Variants in ARHGAP26 observed in about 807,000 individuals in gnomAD.
The protein encoded by ARHGAP26 is Rho GTPase activating protein 26.
A neutral mutation model predicts 104.8 loss-of-function variants in ARHGAP26; 38 were observed. The ratio of observed to expected loss-of-function variants is 0.36; its 90% CI spans 0.28 to 0.48. The LOEUF is 0.48. Ranked by LOEUF, ARHGAP26 falls within the 20% of genes least tolerant of loss-of-function variation. The pLI is 0.99. For missense variants in ARHGAP26, 704 were observed against 947.9 expected, an observed-to-expected ratio of 0.74 and a Z score of 3.38; for synonymous variants, 341 against 340.0, an observed-to-expected ratio of 1.00 and a Z score of -0.03.
In ARHGAP26 at chr5:143,228,385, G is replaced by A. The variant is rs78962621; in HGVS notation, c.*5939G>A. On this transcript the variant is annotated 3_prime_UTR_variant, in exon 23 of 23. Coordinates refer to ENST00000645722, the MANE Select transcript of ARHGAP26 (RefSeq NM_001135608.3). ...GAATTAGAGACACAAGAGAGGCTGT[G>A]GATGGCCTATTAAAATGATTAAAGA... 6 of 221,948 alleles carry A rather than the reference G, an allele frequency of 2.7e-5. No individual in the cohort carries two copies. The highest frequency in any genetic ancestry group is 4.5e-5 in the Non-Finnish European group (5 of 111,136). The allele number at this position is 221,948 out of a possible 1,614,324, so 13.7% of individuals were successfully genotyped here.
At chr5:142,929,616 G>A (rs1263450538) in intron 10 of ARHGAP26, among the ~76,000 whole-genome samples, 2 of 152,176 alleles carry the variant, frequency 1.3e-5, no homozygotes, top group African/African-American at 2.4e-5. Flanking sequence ...AAAAGAACTT[G>A]TATTTTGATA....
At chr5:142,771,394 G>C in intron 1 of ARHGAP26, 2 of 1,231,992 alleles carry the variant, frequency 1.6e-6, no homozygotes, top group Non-Finnish European at 2.0e-6. Flanking sequence ...TGACTGCTTC[G>C]CTCCCTGTAC....
At chr5:142,998,570 G>A (rs1776744999) in intron 11 of ARHGAP26, among the ~76,000 whole-genome samples, 1 of 152,126 alleles carries the variant, frequency 6.6e-6, no homozygotes, top group South Asian at 2.1e-4. Flanking sequence ...AGCAAGAGAG[G>A]CTTGGCTAGG....
chr5:143,161,999 A>G (rs1443673880), intron 20 of ARHGAP26, among the ~76,000 whole-genome samples: 4 of 152,222 alleles, frequency 2.6e-5, no homozygotes, highest in Admixed American at 1.3e-4. Flanking sequence ...CAAGTCTGTC[A>G]TCATATCAGA....
chr5:143,158,269 A>G (rs1440954608), intron 20 of ARHGAP26, among the ~76,000 whole-genome samples: 1 of 152,208 alleles, frequency 6.6e-6, no homozygotes, highest in Admixed American at 6.5e-5. Context: ...TAATTTTAAA[A>G]AGGAATTAAA....
intron 20 of ARHGAP26, among the ~76,000 whole-genome samples, chr5:143,167,528 T>A (rs1802172590): frequency 7.0e-6 from 1 of 142,534 alleles, no homozygotes; most frequent in African/African-American, 2.7e-5. Flanking sequence ...AGAAATCCAT[T>A]GTTTGTAATA....
chr5:143,087,452 T>A (rs1790746746), intron 17 of ARHGAP26, among the ~76,000 whole-genome samples: 1 of 152,108 alleles, frequency 6.6e-6, no homozygotes, highest in Non-Finnish European at 1.5e-5. Context: ...CCCTTTTGTT[T>A]ACTCATGGCC....
At chr5:142,952,258 G>A (rs1768509974) in intron 11 of ARHGAP26, among the ~76,000 whole-genome samples, 1 of 152,168 alleles carries the variant, frequency 6.6e-6, no homozygotes, top group Admixed American at 6.5e-5. Context: ...TAGAGCAAGG[G>A]ACTTTTCTTT....
chr5:143,117,285 C>T (rs550588182), intron 17 of ARHGAP26, among the ~76,000 whole-genome samples: 7 of 152,294 alleles, frequency 4.6e-5, no homozygotes, highest in Non-Finnish European at 8.8e-5. Flanking sequence ...GGACCGGCTC[C>T]GCAGTGCTCT....
chr5:142,829,629 C>T (rs1767999609), intron 1 of ARHGAP26, among the ~76,000 whole-genome samples: 1 of 152,156 alleles, frequency 6.6e-6, no homozygotes, highest in Admixed American at 6.5e-5. Context: ...TGGATTAAAA[C>T]AAACCAAGAA....
At chr5:142,912,163 A>C (rs712161) in intron 9 of ARHGAP26, among the ~76,000 whole-genome samples, 45,431 of 152,110 alleles carry the variant, frequency 0.3, 7,672 homozygotes, top group East Asian at 0.74. Context: ...GTTTCTGGGC[A>C]ATAAACTAGT....
At position 143,213,123 on chromosome 5, in the gene ARHGAP26, C is replaced by T. The variant is rs561084435; in HGVS notation, c.2100-874C>T. Reference sequence around the variant, plus strand: ...TCGCACCACTGCACTCCAGCCTGGGCGACAGAGCAAGACTCCGTCTAAACA... The same window carrying T: ...TCGCACCACTGCACTCCAGCCTGGGTGACAGAGCAAGACTCCGTCTAAACA... On this transcript the variant is annotated intron_variant, in intron 21 of 22. Coordinates refer to ENST00000645722, the MANE Select transcript of ARHGAP26 (RefSeq NM_001135608.3). Among the ~76,000 whole-genome samples, 13 of 152,234 alleles carry T rather than the reference C, an allele frequency of 8.5e-5. No individual in the cohort carries two copies. In the South Asian group the frequency reaches 1.7e-3, roughly 19 times the overall value.
intron 11 of ARHGAP26, among the ~76,000 whole-genome samples, chr5:143,011,303 C>CTTTTTTTTTTTTTTTT (rs58841045): frequency 1.8e-5 from 2 of 110,988 alleles, no homozygotes; most frequent in African/African-American, 3.5e-5. Flanking sequence ...TAAACCCCCG[C>CTTTTTTTTTTTTTTTT]TTTTTTTTTT....
In ARHGAP26 at chr5:142,828,498, A is replaced by G. The variant is rs78252289; in HGVS notation, c.155-44902A>G. On this transcript the variant is annotated intron_variant, in intron 1 of 22. Transcript: ENST00000645722. ...GGAAAATGAAATTTAAAAGAAAAAC[A>G]TGGAGAAGGAAATTAACAAGCATAC... Among the ~76,000 whole-genome samples the G allele has an allele frequency of 5.6e-3, 857 of 152,358 alleles. 18 individuals are homozygous for G. In the East Asian group the frequency reaches 0.064, roughly 11 times the overall value.
At chr5:143,172,439 A>G (rs1394003859) in intron 20 of ARHGAP26, among the ~76,000 whole-genome samples, 2 of 152,190 alleles carry the variant, frequency 1.3e-5, no homozygotes, top group Non-Finnish European at 2.9e-5. Flanking sequence ...GAAAAAATAT[A>G]ATGGGATGTA....
intron 20 of ARHGAP26, among the ~76,000 whole-genome samples, chr5:143,194,775 A>C (rs1806525870): frequency 6.6e-6 from 1 of 152,182 alleles, no homozygotes; most frequent in African/African-American, 2.4e-5. Flanking sequence ...AATCATTTAA[A>C]GTTTTTTCCA....
At chr5:143,166,776 A>G (rs534599865) in intron 20 of ARHGAP26, among the ~76,000 whole-genome samples, 171 of 152,354 alleles carry the variant, frequency 1.1e-3, no homozygotes, top group African/African-American at 3.9e-3. Context: ...ACCTTTCAGC[A>G]GGAACTGAAG....
In ARHGAP26 at chr5:143,223,564, AC is replaced by A. The variant is rs1219416146; in HGVS notation, c.*1121del. The A allele has an allele frequency of 3.9e-5, 9 of 232,046 alleles. No homozygotes were observed. The highest frequency in any genetic ancestry group is 7.7e-5 in the Non-Finnish European group (9 of 117,168). The allele number at this position is 232,046 out of a possible 1,614,324, so 14.4% of individuals were successfully genotyped here. On this transcript the variant is annotated 3_prime_UTR_variant, in exon 23 of 23. Coordinates refer to ENST00000645722, the MANE Select transcript of ARHGAP26 (RefSeq NM_001135608.3). ...CTGCTCCCACCCTTGCCTGCCTCTA[AC>A]CCACCACTGGCCAGCCCCCTTGCCC...
rs3073231 is a variant in ARHGAP26, at chr5:143,012,552, CATATATAT to C, written c.1108-1511_1108-1504del. Among the ~76,000 whole-genome samples, 16 of 20,834 alleles carry C rather than the reference CATATATAT, an allele frequency of 7.7e-4. 3 individuals carry two copies. The Admixed American group carries it at 0.011, about 14-fold the overall frequency. 13.7% of individuals were successfully genotyped at this position (20,834 alleles called of 152,430 possible). On this transcript the variant is annotated intron_variant, in intron 11 of 22. Transcript: ENST00000645722. ...AGGGATATATTTATATACATACATA[CATATATAT>C]ATATATATATATATATTATGATCAG...
Sources: gnomAD v4.1 joint callset for allele counts (sites outside exome capture counted in the v4.1 genomes callset) on GRCh38, gnomAD v4.1.1 for gene constraint, MANE v1.5 for transcripts, NCBI Gene and HGNC (gene_info 2026-07-23, HGNC 2026-07-21) for gene names.